Variants in TDRD3 observed in about 807,000 individuals in gnomAD.
TDRD3 encodes tudor domain containing 3.
In TDRD3, 45 loss-of-function variants were observed where a neutral mutation model predicts 86.7. The ratio of observed to expected loss-of-function variants is 0.52; its 90% CI spans 0.41 to 0.67. The LOEUF is 0.67. Among genes scored for constraint, TDRD3 ranks in the 30% least tolerant of loss-of-function variants. The pLI is 0.00. For missense variants in TDRD3, 814 were observed against 889.0 expected (o/e 0.92, Z 1.07); for synonymous variants, 298 against 301.7 (o/e 0.99, Z 0.13).
At chr13:60,458,916 A>G (rs1241642134) in intron 3 of TDRD3, among the ~76,000 whole-genome samples, 1 of 152,238 alleles carries the variant, frequency 6.6e-6, no homozygotes, top group African/African-American at 2.4e-5. Flanking sequence ...TTTAATTTAA[A>G]TGTCCTTATT....
intron 10 of TDRD3, among the ~76,000 whole-genome samples, chr13:60,517,000 A>G (rs573671715): frequency 1.3e-5 from 2 of 152,276 alleles, no homozygotes; most frequent in East Asian, 1.9e-4. Flanking sequence ...ATGGTGTTCC[A>G]TTATTTTTAT....
intron 1 of TDRD3, among the ~76,000 whole-genome samples, chr13:60,397,614 G>A (rs1208235761): frequency 1.4e-5 from 2 of 143,794 alleles, no homozygotes; most frequent in Non-Finnish European, 3.1e-5. Context: ...GGCGGCGGCG[G>A]CGGCCTGGGC....
chr13:60,409,071 G>C (rs1216574565), intron 1 of TDRD3, among the ~76,000 whole-genome samples: 1 of 152,256 alleles, frequency 6.6e-6, no homozygotes, highest in Admixed American at 6.5e-5. Flanking sequence ...CCAACATATA[G>C]CTTGGGCTGT....
chr13:60,541,746 T>TTTTTTTTTTTTA (rs1957818133), intron 12 of TDRD3, among the ~76,000 whole-genome samples: 1 of 135,922 alleles, frequency 7.4e-6, no homozygotes, highest in Non-Finnish European at 1.6e-5. Context: ...TTTTTTTTTT[T>TTTTTTTTTTTTA]GAGACGGAGT....
At chr13:60,396,359 G>A (rs1344338065), upstream of TDRD3, 1 of 152,272 alleles carries the variant, frequency 6.6e-6, no homozygotes, top group Non-Finnish European at 1.5e-5. Context: ...CCTTCCGCCT[G>A]TTCCTCTCTG....
chr13:60,424,783 A>G (rs1954760673), intron 1 of TDRD3, among the ~76,000 whole-genome samples: 2 of 152,240 alleles, frequency 1.3e-5, no homozygotes, highest in South Asian at 4.1e-4. Context: ...CCCGATATGC[A>G]TTGGCATCAT....
At chr13:60,460,865 T>C (rs1955787686) in intron 4 of TDRD3, 1 of 159,566 alleles carries the variant, frequency 6.3e-6, no homozygotes, top group South Asian at 1.9e-4. Flanking sequence ...TAGCCAGGCA[T>C]GATGGCGGGT....
intron 1 of TDRD3, among the ~76,000 whole-genome samples, chr13:60,426,137 C>T (rs1594918150): frequency 6.6e-6 from 1 of 152,084 alleles, no homozygotes; most frequent in Non-Finnish European, 1.5e-5. Flanking sequence ...ATGAATGGAC[C>T]TATAGGATGT....
chr13:60,511,817 C>A (rs1566259252), intron 10 of TDRD3, among the ~76,000 whole-genome samples: 1 of 152,102 alleles, frequency 6.6e-6, no homozygotes. Flanking sequence ...CAGATTATTG[C>A]CACATGGGCC....
At chr13:60,511,036 G>A (rs568838056) in intron 10 of TDRD3, among the ~76,000 whole-genome samples, 31 of 152,032 alleles carry the variant, frequency 2.0e-4, no homozygotes, top group South Asian at 2.1e-4. Flanking sequence ...TAAACAGGTT[G>A]TTGTGTTGGA....
At chr13:60,506,640 C>G (rs1283787459) in intron 8 of TDRD3, among the ~76,000 whole-genome samples, 1 of 152,018 alleles carries the variant, frequency 6.6e-6, no homozygotes, top group Non-Finnish European at 1.5e-5. Context: ...GCCTATAATC[C>G]CAGCTACTTG....
At chr13:60,526,020 C>G (rs779518183) in intron 10 of TDRD3, among the ~76,000 whole-genome samples, 2 of 152,102 alleles carry the variant, frequency 1.3e-5, no homozygotes, top group Non-Finnish European at 2.9e-5. Context: ...CCACATCTGC[C>G]AAGCCTGGCT....
chr13:60,507,652 CA>C (rs1235583535), intron 8 of TDRD3, among the ~76,000 whole-genome samples: 1 of 152,006 alleles, frequency 6.6e-6, no homozygotes, highest in Non-Finnish European at 1.5e-5. Flanking sequence ...AGAACAAAGA[CA>C]AAAAATACCA....
At chr13:60,460,582 A>T in intron 4 of TDRD3, 42 bp downstream of exon 4, 1 of 1,492,894 alleles carries the variant, frequency 6.7e-7, no homozygotes, top group Non-Finnish European at 8.9e-7. Context: ...CAGAATGTTG[A>T]AGGTGCTATT....
At chr13:60,505,796 A>G (rs896435916) in intron 8 of TDRD3, among the ~76,000 whole-genome samples, 2 of 152,258 alleles carry the variant, frequency 1.3e-5, no homozygotes, top group African/African-American at 4.8e-5. Flanking sequence ...TTGAAGATCA[A>G]CTTAATGAAA....
intron 6 of TDRD3, chr13:60,484,581 A>G: frequency 2.7e-6 from 1 of 376,210 alleles, no homozygotes; most frequent in Non-Finnish European, 5.2e-6. Flanking sequence ...TTTGACTGTC[A>G]CCCTCTCTGA....
At chr13:60,499,960 G>A (rs1049655003) in intron 8 of TDRD3, among the ~76,000 whole-genome samples, 2 of 152,206 alleles carry the variant, frequency 1.3e-5, no homozygotes, top group African/African-American at 4.8e-5. Context: ...AAGCTGCTCT[G>A]CCACTTGGGC....
intron 10 of TDRD3, among the ~76,000 whole-genome samples, chr13:60,512,448 G>A (rs1957081067): frequency 6.6e-6 from 1 of 152,072 alleles, no homozygotes; most frequent in African/African-American, 2.4e-5. Flanking sequence ...GTCCGCCAAA[G>A]TCTTAACTCA....
intron 12 of TDRD3, among the ~76,000 whole-genome samples, chr13:60,544,365 G>T (rs1320630769): frequency 6.7e-6 from 1 of 150,220 alleles, no homozygotes; most frequent in Admixed American, 6.7e-5. Context: ...GATTGCCTGA[G>T]CTCAGGACTT....
Sources: allele counts gnomAD v4.1 joint callset (sites outside exome capture counted in the v4.1 genomes callset), GRCh38; gene constraint gnomAD v4.1.1; transcripts MANE v1.5; gene names NCBI Gene and HGNC (gene_info 2026-07-23, HGNC 2026-07-21).